The following NRDE2 variants were observed in gnomAD, a reference collection of about 807,000 sequenced individuals.
NRDE2 encodes NRDE-2, necessary for RNA interference, domain containing.
Under a neutral mutation model 124.2 loss-of-function variants are expected in NRDE2, and 76 were observed. The ratio of observed to expected loss-of-function variants is 0.61; its 90% CI spans 0.51 to 0.74. The LOEUF (loss-of-function observed/expected upper bound fraction) is 0.74, where lower values mean the gene tolerates loss of function less well. NRDE2 is among the 30% of genes least tolerant of loss of function. The probability of loss-of-function intolerance (pLI) is 0.00; values close to 1 mark genes in which losing one functional copy is unlikely to be tolerated. For synonymous variants in NRDE2, 489 were observed against 528.1 expected (o/e 0.93, Z 1.01); for missense variants, 1,314 against 1,417.3 (o/e 0.93, Z 1.17).
chr14:90,310,569 G>T (rs1884799027), intron 4 of NRDE2, among the ~76,000 whole-genome samples: 1 of 149,714 alleles, frequency 6.7e-6, no homozygotes, highest in Admixed American at 6.6e-5. Flanking sequence ...TGCCCAGCCT[G>T]GAGTGCAGTG....
At chr14:90,297,351 C>T (rs977000901) in intron 8 of NRDE2, among the ~76,000 whole-genome samples, 3 of 151,728 alleles carry the variant, frequency 2.0e-5, no homozygotes, top group Non-Finnish European at 4.4e-5. Context: ...TTTTGATATA[C>T]TAGATTAAGT....
intron 7 of NRDE2, 124 bp downstream of exon 7, chr14:90,301,113 GAT>G (rs1244896134): frequency 1.1e-6 from 1 of 906,776 alleles, no homozygotes; most frequent in Admixed American, 2.1e-5. Context: ...AGGAGGATAT[GAT>G]ATTTTAAAAA....
rs761313673 is a variant in NRDE2, at chr14:90,269,354, G to A, written c.*8982C>T. ...TTGCTGTAATTCCCCTTGAGCAGGC[G>A]ATCAGTTGAGTCTTCATTCCTTCCC... On this transcript the variant is annotated 3_prime_UTR_variant, in exon 14 of 14. Transcript: ENST00000354366. The A allele has an allele frequency of 1.2e-5, 18 of 1,541,026 alleles. No homozygotes were observed. The highest frequency in any genetic ancestry group is 2.4e-5 in the South Asian group (2 of 84,848).
chr14:90,307,183 C>T (rs753049987), intron 4 of NRDE2, among the ~76,000 whole-genome samples: 5 of 152,146 alleles, frequency 3.3e-5, no homozygotes, highest in Admixed American at 6.5e-5. Flanking sequence ...TAGTTTCAGG[C>T]CTGCCTTCCT....
At chr14:90,294,035 A>G (rs1037823062) in intron 8 of NRDE2, among the ~76,000 whole-genome samples, 1 of 152,210 alleles carries the variant, frequency 6.6e-6, no homozygotes, top group Admixed American at 6.5e-5. Context: ...CAACACCTGG[A>G]AACAATCCAA....
chr14:90,310,516 C>T (rs1038568317), intron 4 of NRDE2, among the ~76,000 whole-genome samples: 3 of 130,364 alleles, frequency 2.3e-5, no homozygotes, highest in Non-Finnish European at 3.2e-5. Context: ...TGTTTGTTGA[C>T]TGCCCTTTTT....
intron 1 of NRDE2, among the ~76,000 whole-genome samples, chr14:90,323,132 C>T (rs553410721): frequency 6.6e-6 from 1 of 152,134 alleles, no homozygotes; most frequent in Non-Finnish European, 1.5e-5. Context: ...TTTAGAACTA[C>T]CGCCTAACAA....
At chr14:90,304,431 C>T (rs1246801676) in intron 4 of NRDE2, 49 bp from the exon 5 acceptor site, 1 of 1,392,464 alleles carries the variant, frequency 7.2e-7, no homozygotes, top group Admixed American at 2.2e-5. Context: ...CGTGTACTAC[C>T]TCTGAATGAC....
chr14:90,273,783 T>G lies in NRDE2; in HGVS notation c.*4553A>C, dbSNP rs1891728974. ...CAGCATTTCCTTGCTGGCTGCCAGC[T>G]GAGGCCTTTGCCAGTCTGTGAAGGC... On this transcript the variant is annotated 3_prime_UTR_variant, in exon 14 of 14. Transcript: ENST00000354366. The G allele has an allele frequency of 6.5e-6, 1 of 154,824 alleles. No individual in the cohort carries two copies. Among genetic ancestry groups the G allele is most frequent in the Non-Finnish European group, 1.5e-5 (1 of 68,242 alleles). 9.6% of individuals were successfully genotyped at this position (154,824 alleles called of 1,614,324 possible). A position where few individuals can be genotyped will look rare whatever the true frequency, so the allele number is the denominator to read the frequency against.
chr14:90,329,551 A>G (rs1885583382), intron 1 of NRDE2, among the ~76,000 whole-genome samples: 2 of 152,010 alleles, frequency 1.3e-5, no homozygotes, highest in Admixed American at 1.3e-4. Flanking sequence ...GAAAAAAAAA[A>G]GTAGGCTGGG....
rs748737676 is a variant in NRDE2, at chr14:90,271,316, A to G, written c.*7020T>C. 1.3e-5 allele frequency: 2 copies of G among 152,218 alleles called. No individual in the cohort carries two copies. The highest frequency in any genetic ancestry group is 2.9e-5 in the Non-Finnish European group (2 of 68,046). 9.4% of individuals were successfully genotyped at this position (152,218 alleles called of 1,614,324 possible). On this transcript the variant is annotated 3_prime_UTR_variant, in exon 14 of 14. Transcript: ENST00000354366. ...TACTGGCCAAAAGAAAAAGAAAACA[A>G]TAACAGTAACCCACATAATATGTTT...
chr14:90,317,053 TCTTA>T (rs1289783511), intron 2 of NRDE2, among the ~76,000 whole-genome samples: 1 of 152,246 alleles, frequency 6.6e-6, no homozygotes, highest in Non-Finnish European at 1.5e-5. Context: ...ACCTATACTT[TCTTA>T]TTTATACATC....
At chr14:90,289,736 C>T (rs560247599) in intron 10 of NRDE2, among the ~76,000 whole-genome samples, 56 of 152,304 alleles carry the variant, frequency 3.7e-4, no homozygotes, top group African/African-American at 1.2e-3. Flanking sequence ...TACAGGCACA[C>T]GCCACAACGC....
chr14:90,270,385 G>A lies in NRDE2; in HGVS notation c.*7951C>T. The A allele has an allele frequency of 1.3e-6, 2 of 1,596,872 alleles. No homozygotes were observed. The highest frequency in any genetic ancestry group is 1.1e-5 in the South Asian group (1 of 89,690). On this transcript the variant is annotated 3_prime_UTR_variant, in exon 14 of 14. Transcript: ENST00000354366. ...CCTAGCCGTGTCAGCTTATTTCTGG[G>A]AATGTGGCCGTCAATCAGGAAAGAG...
At chr14:90,308,152 C>G (rs1310756109) in intron 4 of NRDE2, among the ~76,000 whole-genome samples, 5 of 152,148 alleles carry the variant, frequency 3.3e-5, no homozygotes, top group Non-Finnish European at 7.3e-5. Context: ...CATAAGCCAA[C>G]TATTTTATCT....
In NRDE2 at chr14:90,272,183, C is replaced by T. The variant is rs970602954; in HGVS notation, c.*6153G>A. 1.1e-4 allele frequency: 165 copies of T among 1,465,412 alleles called. No individual in the cohort carries two copies. Among genetic ancestry groups the T allele is most frequent in the Middle Eastern group, 9.9e-4 (4 of 4,030 alleles). 90.8% of individuals were successfully genotyped at this position (1,465,412 alleles called of 1,614,324 possible). On this transcript the variant is annotated 3_prime_UTR_variant, in exon 14 of 14. Coordinates refer to ENST00000354366, the MANE Select transcript of NRDE2 (RefSeq NM_017970.4). This position sits in a 1 kb window ranked among gnomAD's most constrained non-coding sequence, Gnocchi z 4.5. The stretch of plus-strand genomic sequence containing the variant: ...TGCTGGGATTACAGGTGTGAGCCAC[C>T]GCGCCTGGCCTCAGAATAGGTTTTT...
Position 90,278,071 on chromosome 14 carries a change from C to T in NRDE2, c.*265G>A, listed in dbSNP as rs142182465. On this transcript the variant is annotated 3_prime_UTR_variant, in exon 14 of 14. Transcript: ENST00000354366. ...GACGCTGCCACGCCTCAATCATCAT[C>T]GGTTTAATGACCACGTGGCATGACT... is the stretch of plus-strand genomic sequence containing the variant. 9.1e-6 allele frequency: 3 copies of T among 329,836 alleles called. No individual in the cohort carries two copies. The highest frequency in any genetic ancestry group is 1.7e-5 in the Non-Finnish European group (3 of 171,478). 20.4% of individuals were successfully genotyped at this position (329,836 alleles called of 1,614,324 possible). A position where few individuals can be genotyped will look rare whatever the true frequency, so the allele number is the denominator to read the frequency against.
rs767087430 is a variant in NRDE2 at position 90,286,440 on chromosome 14, G to A, written c.3211C>T (p.Arg1071Trp). Residue 1071 changes from arginine to tryptophan, a missense_variant, in exon 12 of 14, where the codon CGG (arginine) becomes TGG (tryptophan). Coordinates refer to ENST00000354366, the MANE Select transcript of NRDE2 (RefSeq NM_017970.4). ...GCATTTTCAAACAGGGCTTGGATCC[G>A]ATGCATTAAGCCGGTCTCAGGAATT... ...ATIPETGLMH[R>W]IQALFENAMR... 17 of 1,614,048 alleles carry A rather than the reference G, an allele frequency of 1.1e-5. No individual in the cohort carries two copies. Among genetic ancestry groups the A allele is most frequent in the African/African-American group, 5.3e-5 (4 of 74,926 alleles).
chr14:90,268,912 G>T lies in NRDE2; in HGVS notation c.*9424C>A. On this transcript the variant is annotated 3_prime_UTR_variant, in exon 14 of 14. Coordinates refer to ENST00000354366, the MANE Select transcript of NRDE2 (RefSeq NM_017970.4). ...TGTATTTCCCACAGTTCTGGAGGCTGAGAAGCCCAAGATCAAGGCACTGGC... is the reference window on the plus strand; with the variant it reads ...TGTATTTCCCACAGTTCTGGAGGCTTAGAAGCCCAAGATCAAGGCACTGGC... The T allele has an allele frequency of 6.3e-6, 1 of 159,552 alleles. No homozygotes were observed. The highest frequency in any genetic ancestry group is 1.8e-4 in the South Asian group (1 of 5,430). The allele number at this position is 159,552 out of a possible 1,614,324, so 9.9% of individuals were successfully genotyped here.
Sources: allele counts gnomAD v4.1 joint callset (sites outside exome capture counted in the v4.1 genomes callset), GRCh38; gene constraint gnomAD v4.1.1; non-coding constraint Gnocchi (gnomAD v3.1); transcripts MANE v1.5; gene names NCBI Gene and HGNC (gene_info 2026-07-23, HGNC 2026-07-21).